Variants in C10orf143 observed in about 807,000 individuals in gnomAD.
C10orf143 encodes uncharacterized protein C10orf143.
In C10orf143 at chr10:130,042,812, T is replaced by C. The variant is rs544975898; in HGVS notation, c.298-6842A>G. 1.2e-4 allele frequency among the ~76,000 whole-genome samples: 19 copies of C among 152,092 alleles called. No homozygotes were observed. The South Asian group carries it at 2.1e-3, about 17-fold the overall frequency. ...GGGAAAGCAACGCTTGGAAAGGAGG[T>C]GGGCCGTCACGGCTTGGAGGAAACT... On this transcript the variant is annotated intron_variant and NMD_transcript_variant, in intron 3 of 5. Transcript: ENST00000643056.
At position 130,107,511 on chromosome 10, in the gene C10orf143, C is replaced by G. The variant is rs777177173; in HGVS notation, c.69+3193G>C. ...CACAACAGACAAAAATTAGCTGAAA[C>G]AGAGTATAAAATAAAACTTCTAAAA... is the stretch of plus-strand genomic sequence containing the variant. On this transcript the variant is annotated intron_variant, in intron 1 of 3. Transcript: ENST00000637128. 357 of 1,364,184 alleles carry G rather than the reference C, an allele frequency of 2.6e-4. 1 individual carries two copies. The highest frequency in any genetic ancestry group is 1.0e-3 in the Admixed American group (59 of 59,242). The allele number at this position is 1,364,184 out of a possible 1,614,324, so 84.5% of individuals were successfully genotyped here. A position where few individuals can be genotyped will look rare whatever the true frequency, so the allele number is the denominator to read the frequency against.
chr10:130,091,331 T>C (rs1445739542), intron 1 of C10orf143, among the ~76,000 whole-genome samples: 2 of 152,124 alleles, frequency 1.3e-5, no homozygotes, highest in South Asian at 2.1e-4. Context: ...CAAAGGAGCA[T>C]GACTCTTAGA....
chr10:130,082,788 G>A (rs1312376763), intron 1 of C10orf143, among the ~76,000 whole-genome samples: 1 of 152,160 alleles, frequency 6.6e-6, no homozygotes, highest in Non-Finnish European at 1.5e-5. Context: ...TTAGGGACCT[G>A]AATGCAAAAG....
rs567829707 is a variant in C10orf143 at position 130,051,102 on chromosome 10, C to T, written c.298-15132G>A. Among the ~76,000 whole-genome samples the T allele has an allele frequency of 3.9e-5, 6 of 152,272 alleles. No individual in the cohort carries two copies. In the East Asian group the frequency reaches 1.2e-3, roughly 29 times the overall value. On this transcript the variant is annotated intron_variant and NMD_transcript_variant, in intron 3 of 5. Transcript: ENST00000643056. ...ACACAAAAAATGGAAAACTACAATA[C>T]ATAGCGAACATCCATGTTCTCACCA...
intron 3 of C10orf143, among the ~76,000 whole-genome samples, chr10:130,040,514 G>A (rs764583348): frequency 1.6e-4 from 25 of 152,220 alleles, no homozygotes; most frequent in African/African-American, 2.9e-4. Flanking sequence ...ACTCTCCACC[G>A]CACCCTGCAG....
intron 1 of C10orf143, among the ~76,000 whole-genome samples, chr10:130,103,713 G>A (rs1047897071): frequency 1.3e-5 from 2 of 152,118 alleles, no homozygotes; most frequent in East Asian, 1.9e-4. Context: ...AGGAGGCTGA[G>A]GCAGGAGGAT....
downstream of C10orf143, among the ~76,000 whole-genome samples, chr10:130,060,667 C>CA (rs1250136275): frequency 3.0e-4 from 45 of 151,118 alleles, 1 homozygote; most frequent in Non-Finnish European, 1.2e-4. Flanking sequence ...ACTAAAAGTA[C>CA]AAAAAAATTA....
chr10:130,077,152 G>A (rs1168006424), intron 3 of C10orf143, among the ~76,000 whole-genome samples: 1 of 151,990 alleles, frequency 6.6e-6, no homozygotes, highest in South Asian at 2.1e-4. Context: ...GTTACAATAC[G>A]CCAGAATGAG....
downstream of C10orf143, among the ~76,000 whole-genome samples, chr10:130,059,348 A>G (rs1016491155): frequency 1.3e-5 from 2 of 152,220 alleles, no homozygotes; most frequent in African/African-American, 2.4e-5. Context: ...GTGAAAAATA[A>G]TAAACTGGGA....
chr10:130,048,217 A>C (rs1046773335), intron 3 of C10orf143, among the ~76,000 whole-genome samples: 3 of 152,182 alleles, frequency 2.0e-5, no homozygotes, highest in African/African-American at 4.8e-5. Context: ...TCTGGGGGTC[A>C]GCTGTCCAGC....
intron 1 of C10orf143, chr10:130,107,038 A>C (rs755178662): frequency 7.2e-7 from 1 of 1,389,296 alleles, no homozygotes; most frequent in African/African-American, 1.4e-5. Context: ...AAGGAGAAAG[A>C]AACCAAATTT....
chr10:130,053,028 G>A (rs917621468), intron 3 of C10orf143, among the ~76,000 whole-genome samples: 2 of 150,874 alleles, frequency 1.3e-5, no homozygotes, highest in Admixed American at 6.7e-5. Flanking sequence ...AAAATGTTGA[G>A]TTTTGTTACG....
chr10:130,110,791 C>G lies in C10orf143; in HGVS notation c.-19G>C. The G allele has an allele frequency of 2.5e-6, 1 of 398,956 alleles. No homozygotes were observed. Among genetic ancestry groups the G allele is most frequent in the Non-Finnish European group, 4.4e-6 (1 of 226,166 alleles). The allele number at this position is 398,956 out of a possible 1,614,324, so 24.7% of individuals were successfully genotyped here. A position where few individuals can be genotyped will look rare whatever the true frequency, so the allele number is the denominator to read the frequency against. On this transcript the variant is annotated 5_prime_UTR_variant, in exon 1 of 4. Coordinates refer to ENST00000637128, the MANE Select transcript of C10orf143 (RefSeq NM_001355042.2). ...TGTCCATGCAGCCCCAGGGTCAAAC[C>G]CTCCCGGCATCTCAGGCCTGGCCGA...
intron 3 of C10orf143, among the ~76,000 whole-genome samples, chr10:130,074,691 C>T (rs1337510149): frequency 6.6e-6 from 1 of 152,044 alleles, no homozygotes; most frequent in Non-Finnish European, 1.5e-5. Context: ...GTGTAGAAAG[C>T]AATGACCAAT....
chr10:130,072,311 T>G (rs1346598095), intron 3 of C10orf143, among the ~76,000 whole-genome samples: 3 of 151,750 alleles, frequency 2.0e-5, no homozygotes, highest in Non-Finnish European at 4.4e-5. Flanking sequence ...TCTTCAATTC[T>G]GGAAAATTCT....
intron 1 of C10orf143, among the ~76,000 whole-genome samples, chr10:130,093,056 G>A (rs1186411): frequency 0.58 from 88,088 of 152,038 alleles, 26,938 homozygotes; most frequent in Admixed American, 0.7. Flanking sequence ...CTCAGCTCTC[G>A]ACTAAGCAGA....
chr10:130,084,337 G>A (rs1288368215), intron 1 of C10orf143, among the ~76,000 whole-genome samples: 1 of 151,932 alleles, frequency 6.6e-6, no homozygotes, highest in East Asian at 1.9e-4. Context: ...AAACTATTTT[G>A]ACTAGAAACT....
Position 130,108,591 on chromosome 10 carries a change from G to T in C10orf143, c.69+2113C>A, listed in dbSNP as rs1861705669. The T allele has an allele frequency of 2.4e-5, 13 of 548,838 alleles. No individual in the cohort carries two copies. In the East Asian group the frequency reaches 2.8e-4, roughly 12 times the overall value. 34.0% of individuals were successfully genotyped at this position (548,838 alleles called of 1,614,324 possible). A position where few individuals can be genotyped will look rare whatever the true frequency, so the allele number is the denominator to read the frequency against. ...CTTAGGATAGTATTTTGTAAATAAG[G>T]ATGATTTAAATATGAATCTTATAAG... On this transcript the variant is annotated intron_variant, in intron 1 of 3. Transcript: ENST00000637128.
intron 1 of C10orf143, among the ~76,000 whole-genome samples, chr10:130,082,453 C>T (rs1249274143): frequency 2.0e-5 from 3 of 152,214 alleles, no homozygotes; most frequent in South Asian, 2.1e-4. Flanking sequence ...ATAATTCCCA[C>T]ATGTTGTGGG....
Sources: gnomAD v4.1 joint callset for allele counts (sites outside exome capture counted in the v4.1 genomes callset) on GRCh38, gnomAD v4.1.1 for gene constraint, MANE v1.5 for transcripts, NCBI Gene and HGNC (gene_info 2026-07-23, HGNC 2026-07-21) for gene names.